Variants in DNLZ observed in about 807,000 individuals in gnomAD.
DNLZ encodes the protein DNL-type zinc finger protein.
In DNLZ, 15 loss-of-function variants were observed where a neutral mutation model predicts 7.8. The observed-to-expected ratio is 1.91, with a 90% confidence interval of 1.28 to 2.95. The LOEUF (loss-of-function observed/expected upper bound fraction) is 2.95, where lower values mean the gene tolerates loss of function less well. Ranked by LOEUF, DNLZ falls within the 30% of genes most tolerant of loss-of-function variation. DNLZ has a pLI of 0.00. For missense variants in DNLZ, 255 were observed against 167.3 expected (o/e 1.52, Z -2.89); for synonymous variants, 123 against 77.8 (o/e 1.58, Z -3.05).
chr9:136,362,067 G>A lies in DNLZ; in HGVS notation c.482C>T (p.Pro161Leu), dbSNP rs770091036. The change falls in exon 3 of 3, where the codon CCG becomes CTG. Residue 161 changes from proline to leucine, a missense_variant. By Grantham distance (98) the Pro-to-Leu change is moderately conservative. Transcript: ENST00000371738. ...GGGACCCTCATCCTCACCCGCTTCC[G>A]GAGCTGCAGTGGATGTGGGGGCCCC... is the stretch of plus-strand genomic sequence containing the variant. ...AAGAPTSTAA[P>L]EAGEDEGPPS... 3.3e-5 allele frequency: 47 copies of A among 1,430,738 alleles called. No homozygotes were observed. Among genetic ancestry groups the A allele is most frequent in the South Asian group, 4.5e-5 (3 of 66,566 alleles). The allele number at this position is 1,430,738 out of a possible 1,614,324, so 88.6% of individuals were successfully genotyped here. A position where few individuals can be genotyped will look rare whatever the true frequency, so the allele number is the denominator to read the frequency against.
chr9:136,361,736 C>T lies in DNLZ; in HGVS notation c.*276G>A, dbSNP rs1010246336. Reference sequence around the variant, plus strand: ...CGCCACATCCAGCCCCCTTTCCACGCGACTGTGGCCTCTGTGGGCAAGAGC... The same window carrying T: ...CGCCACATCCAGCCCCCTTTCCACGTGACTGTGGCCTCTGTGGGCAAGAGC... On this transcript the variant is annotated 3_prime_UTR_variant, in exon 3 of 3. Transcript: ENST00000371738. 1.4e-5 allele frequency: 5 copies of T among 354,992 alleles called. No homozygotes were observed. The highest frequency in any genetic ancestry group is 8.3e-5 in the East Asian group (2 of 24,112). The allele number at this position is 354,992 out of a possible 1,614,324, so 22.0% of individuals were successfully genotyped here. A position where few individuals can be genotyped will look rare whatever the true frequency, so the allele number is the denominator to read the frequency against.
rs934359645 is a variant in DNLZ at position 136,360,635 on chromosome 9, G to A, written c.*1377C>T. 1.3e-5 allele frequency: 2 copies of A among 152,104 alleles called. No homozygotes were observed. Among genetic ancestry groups the A allele is most frequent in the African/African-American group, 4.8e-5 (2 of 41,380 alleles). The allele number at this position is 152,104 out of a possible 1,614,324, so 9.4% of individuals were successfully genotyped here. ...TTCTGGCACGCGGGGGGTAGCCATA[G>A]GTCTTCTCTAGGAACGTGCCAGCCT... On this transcript the variant is annotated 3_prime_UTR_variant, in exon 3 of 3. Transcript: ENST00000371738.
At chr9:136,363,351 G>A (rs1361861858) in intron 1 of DNLZ, 136 bp downstream of exon 1, 21 of 703,194 alleles carry the variant, frequency 3.0e-5, no homozygotes, top group Admixed American at 2.6e-4. Flanking sequence ...CCTCCCAGAA[G>A]CCCCAAGGGG....
In DNLZ at chr9:136,363,659, C is replaced by T. The variant is rs969191330; in HGVS notation, c.56G>A (p.Arg19Gln). 5 of 426,974 alleles carry T rather than the reference C, an allele frequency of 1.2e-5. No homozygotes were observed. The highest frequency in any genetic ancestry group is 2.0e-5 in the Non-Finnish European group (5 of 244,532). The allele number at this position is 426,974 out of a possible 1,614,324, so 26.4% of individuals were successfully genotyped here. Residue 19 changes from arginine to glutamine, a missense_variant, in exon 1 of 3, where the codon CGG becomes CAG. Coordinates refer to ENST00000371738, the MANE Select transcript of DNLZ (RefSeq NM_001080849.3). ...APRLLSRVQP[R>Q]APCLRRLWGR... The stretch of plus-strand genomic sequence containing the variant: ...CCACAGCCGCCTCAGGCAGGGCGCC[C>T]GGGGCTGCACGCGACTCAGCAACCT...
rs1185934185 is a variant in DNLZ, at chr9:136,360,989, G to A, written c.*1023C>T. The A allele has an allele frequency of 6.6e-6, 1 of 152,278 alleles. No individual in the cohort carries two copies. Among genetic ancestry groups the A allele is most frequent in the Non-Finnish European group, 1.5e-5 (1 of 68,092 alleles). The allele number at this position is 152,278 out of a possible 1,614,324, so 9.4% of individuals were successfully genotyped here. A position where few individuals can be genotyped will look rare whatever the true frequency, so the allele number is the denominator to read the frequency against. The stretch of plus-strand genomic sequence containing the variant: ...TGGGTGCCGGTGGCTCAGCCGAGAA[G>A]AGGACAGTTTCCACAAATGGCACAG... On this transcript the variant is annotated 3_prime_UTR_variant, in exon 3 of 3. Coordinates refer to ENST00000371738, the MANE Select transcript of DNLZ (RefSeq NM_001080849.3).
At position 136,363,607 on chromosome 9, in the gene DNLZ, C is replaced by G. The variant is rs903761322; in HGVS notation, c.108G>C (p.Ala36=). The change falls in exon 1 of 3, where the codon GCG becomes GCC. Residue 36 remains alanine (A), a synonymous_variant. Coordinates refer to ENST00000371738, the MANE Select transcript of DNLZ (RefSeq NM_001080849.3). The part of the protein sequence containing the change: ...LWGRGARPEV[A]GRRRAWAWGW... ...CCCAGGCCCAGGCCCGCCGCCTCCC[C>G]GCGACCTCTGGACGGGCCCCGCGGC... 6 of 566,322 alleles carry G rather than the reference C, an allele frequency of 1.1e-5. No individual in the cohort carries two copies. The South Asian group carries it at 1.2e-4, about 11-fold the overall frequency. The allele number at this position is 566,322 out of a possible 1,614,324, so 35.1% of individuals were successfully genotyped here. A position where few individuals can be genotyped will look rare whatever the true frequency, so the allele number is the denominator to read the frequency against.
In DNLZ at chr9:136,359,636, C is replaced by G. The variant is rs1429953953; in HGVS notation, c.*2376G>C. On this transcript the variant is annotated 3_prime_UTR_variant, in exon 3 of 3. Transcript: ENST00000371738. ...TATGGGCTTAGTCCCGGGTGGGGGC[C>G]TAACCCGGTAAGAGGCTGCACTGTG... is the stretch of plus-strand genomic sequence containing the variant. The G allele has an allele frequency of 6.6e-6, 1 of 152,372 alleles. No individual in the cohort carries two copies. The highest frequency in any genetic ancestry group is 1.5e-5 in the Non-Finnish European group (1 of 68,044). The allele number at this position is 152,372 out of a possible 1,614,324, so 9.4% of individuals were successfully genotyped here.
Sources: gnomAD v4.1 joint callset for allele counts on GRCh38, gnomAD v4.1.1 for gene constraint, MANE v1.5 for transcripts, NCBI Gene and HGNC (gene_info 2026-07-23, HGNC 2026-07-21) for gene names.